The following DSCAM variants were observed in gnomAD, a reference collection of about 807,000 sequenced individuals.
DSCAM encodes the protein cell adhesion molecule DSCAM.
In DSCAM, 47 loss-of-function variants were observed where a neutral mutation model predicts 217.7. That is an observed-to-expected ratio of 0.22 (90% CI 0.17 to 0.28). The LOEUF (loss-of-function observed/expected upper bound fraction) is 0.28, where lower values mean the gene tolerates loss of function less well. Among genes scored for constraint, DSCAM ranks in the 10% least tolerant of loss-of-function variants. DSCAM has a pLI of 1.00. For missense variants in DSCAM, 2,080 were observed against 2,618.3 expected, an observed-to-expected ratio of 0.79 and a Z score of 4.49; for synonymous variants, 1,056 against 1,015.3, an observed-to-expected ratio of 1.04 and a Z score of -0.76.
rs149138139 is a variant in DSCAM, at chr21:40,028,620, C to T, written c.5686+13751G>A. Among the ~76,000 whole-genome samples the T allele has an allele frequency of 3.6e-3, 551 of 152,268 alleles. 3 individuals are homozygous for T. The highest frequency in any genetic ancestry group is 0.013 in the African/African-American group (522 of 41,564). On this transcript the variant is annotated intron_variant, in intron 32 of 32. Transcript: ENST00000400454. ...GGGAGTGACCCGATTTTCCAGGTGC[C>T]GTCCGTCACCCCTTTCTTTGACTAG...
At chr21:40,461,643 A>T (rs1314987139) in intron 3 of DSCAM, among the ~76,000 whole-genome samples, 1 of 152,212 alleles carries the variant, frequency 6.6e-6, no homozygotes, top group Non-Finnish European at 1.5e-5. Flanking sequence ...GTAAGGTTTC[A>T]TGGCAAAGGG....
intron 1 of DSCAM, among the ~76,000 whole-genome samples, chr21:40,800,275 A>G (rs2091728048): frequency 6.6e-6 from 1 of 152,218 alleles, no homozygotes. Flanking sequence ...GTTATAAGCA[A>G]TACGAACTAA....
At chr21:40,384,441 C>G (rs1297045004) in intron 3 of DSCAM, 4 of 152,296 alleles carry the variant, frequency 2.6e-5, no homozygotes, top group African/African-American at 9.7e-5. Flanking sequence ...AACCCCATCT[C>G]TACTAAAAAT....
Position 40,099,210 on chromosome 21 carries a change from G to A in DSCAM, c.3697-5336C>T, listed in dbSNP as rs141507395. On this transcript the variant is annotated intron_variant, in intron 20 of 32. Transcript: ENST00000400454. ...TTATCCTGTTGACAAGGTAAAATTC[G>A]TTCTTGATTACCTCCAAAACACACA... 1.3e-4 allele frequency among the ~76,000 whole-genome samples: 20 copies of A among 152,196 alleles called. No individual in the cohort carries two copies. The East Asian group carries it at 3.3e-3, about 25-fold the overall frequency.
At chr21:40,470,733 T>C (rs2075881415) in intron 3 of DSCAM, among the ~76,000 whole-genome samples, 1 of 152,162 alleles carries the variant, frequency 6.6e-6, no homozygotes, top group Non-Finnish European at 1.5e-5. Flanking sequence ...TTTGTATTTT[T>C]TGTAGAGAGA....
At chr21:40,423,337 C>T (rs1194846094) in intron 3 of DSCAM, among the ~76,000 whole-genome samples, 6 of 150,782 alleles carry the variant, frequency 4.0e-5, no homozygotes, top group Non-Finnish European at 5.9e-5. Flanking sequence ...TTAACTGACT[C>T]ATTATCCACA....
At chr21:40,615,310 G>T (rs1384692671) in intron 3 of DSCAM, 2 of 139,948 alleles carry the variant, frequency 1.4e-5, no homozygotes, top group East Asian at 2.1e-4. Flanking sequence ...GAAAAGAAAA[G>T]AAAATTGATG....
chr21:40,539,190 G>A (rs1045828684), intron 3 of DSCAM, among the ~76,000 whole-genome samples: 6 of 152,104 alleles, frequency 3.9e-5, no homozygotes, highest in Non-Finnish European at 5.9e-5. Context: ...CCAGAGCATC[G>A]CTGAGATTTG....
chr21:40,553,622 T>C (rs2076647538), intron 3 of DSCAM, among the ~76,000 whole-genome samples: 1 of 152,198 alleles, frequency 6.6e-6, no homozygotes, highest in Non-Finnish European at 1.5e-5. Context: ...CAATCCTTCC[T>C]CTTCTAGCCA....
intron 10 of DSCAM, among the ~76,000 whole-genome samples, chr21:40,284,704 C>T (rs1417594789): frequency 2.6e-5 from 4 of 152,350 alleles, no homozygotes; most frequent in Non-Finnish European, 1.5e-5. Context: ...TCCTACACTT[C>T]TCAGGTGCTT....
At chr21:40,321,848 C>T (rs990885403) in intron 8 of DSCAM, among the ~76,000 whole-genome samples, 2 of 152,112 alleles carry the variant, frequency 1.3e-5, no homozygotes, top group Non-Finnish European at 2.9e-5. Flanking sequence ...AGCAACTGCA[C>T]CTGACCCACC....
intron 3 of DSCAM, among the ~76,000 whole-genome samples, chr21:40,637,028 T>C (rs930980819): frequency 2.1e-5 from 3 of 143,754 alleles, no homozygotes; most frequent in Non-Finnish European, 4.5e-5. Context: ...ACCCAGAAAA[T>C]CTACCTTTGC....
At chr21:40,253,371 G>A (rs1008827778) in intron 11 of DSCAM, among the ~76,000 whole-genome samples, 101 of 152,324 alleles carry the variant, frequency 6.6e-4, no homozygotes, top group African/African-American at 2.0e-3. Context: ...TCTGGTCTTT[G>A]TTCCTGGTTC....
chr21:40,724,850 A>G (rs527830710), intron 1 of DSCAM, among the ~76,000 whole-genome samples: 1 of 152,348 alleles, frequency 6.6e-6, no homozygotes, highest in South Asian at 2.1e-4. Flanking sequence ...CTATGTTCAG[A>G]AGTGCTTCAT....
intron 30 of DSCAM, among the ~76,000 whole-genome samples, chr21:40,046,773 G>C (rs1380375164): frequency 3.3e-5 from 5 of 151,926 alleles, no homozygotes; most frequent in African/African-American, 4.8e-5. Flanking sequence ...TGGAAGTTGG[G>C]GGGTGGTTGG....
rs571387782 is a variant in DSCAM, at chr21:40,233,641, T to C, written c.2356+42456A>G. Among the ~76,000 whole-genome samples, 86 of 152,320 alleles carry C rather than the reference T, an allele frequency of 5.6e-4. 1 individual carries two copies. Among genetic ancestry groups the C allele is most frequent in the African/African-American group, 2.0e-3 (83 of 41,572 alleles). On this transcript the variant is annotated intron_variant, in intron 11 of 32. Transcript: ENST00000400454. ...CACTCCCTCATGCTCATCCCTGCCC[T>C]CTAGTCTTTATTAATAACCTGGTGT...
intron 1 of DSCAM, among the ~76,000 whole-genome samples, chr21:40,818,013 G>A (rs1205824132): frequency 2.0e-5 from 3 of 148,800 alleles, no homozygotes; most frequent in African/African-American, 5.0e-5. Context: ...GGAGAATGGC[G>A]TGAACCCGGG....
intron 1 of DSCAM, among the ~76,000 whole-genome samples, chr21:40,812,512 C>CT (rs1269166988): frequency 2.0e-5 from 3 of 152,172 alleles, no homozygotes; most frequent in Non-Finnish European, 4.4e-5. Flanking sequence ...CCTGTGCTCT[C>CT]TTTTTGGATA....
intron 1 of DSCAM, among the ~76,000 whole-genome samples, chr21:40,717,914 G>A (rs954540803): frequency 5.9e-5 from 9 of 152,168 alleles, no homozygotes; most frequent in Admixed American, 4.6e-4. Context: ...AGTAGACAGG[G>A]AGAGAAGACT....
Sources: gnomAD v4.1 joint callset for allele counts (sites outside exome capture counted in the v4.1 genomes callset) on GRCh38, gnomAD v4.1.1 for gene constraint, MANE v1.5 for transcripts, NCBI Gene and HGNC (gene_info 2026-07-23, HGNC 2026-07-21) for gene names.